The following EMCN variants were observed in gnomAD, a reference collection of about 807,000 sequenced individuals.
EMCN encodes the protein MUC-14.
In EMCN, 37 loss-of-function variants were observed where a neutral mutation model predicts 38.4. The observed-to-expected ratio is 0.96, with a 90% CI of 0.74 to 1.27. The LOEUF (loss-of-function observed/expected upper bound fraction) is 1.27, where lower values mean the gene tolerates loss of function less well. EMCN is among the 50% of genes most tolerant of loss of function. EMCN has a pLI of 0.00. For synonymous variants in EMCN, 95 were observed against 100.8 expected (o/e 0.94, Z 0.35); for missense variants, 318 against 302.8 (o/e 1.05, Z -0.37).
chr4:100,439,346 G>C (rs952453186), intron 5 of EMCN, among the ~76,000 whole-genome samples: 1 of 151,394 alleles, frequency 6.6e-6, no homozygotes, highest in African/African-American at 2.4e-5. Context: ...GATCCTGGTA[G>C]GTTTTAGTTT....
chr4:100,438,830 T>G (rs1286535594), intron 5 of EMCN, among the ~76,000 whole-genome samples: 1 of 152,066 alleles, frequency 6.6e-6, no homozygotes, highest in Non-Finnish European at 1.5e-5. Context: ...GCTTTTTCTG[T>G]GTCAAGATCA....
chr4:100,457,861 G>A (rs905734072), intron 4 of EMCN, among the ~76,000 whole-genome samples: 8 of 152,186 alleles, frequency 5.3e-5, no homozygotes. Context: ...GCTCACACCT[G>A]TAATCCCAGG....
chr4:100,419,294 G>T (rs1726823656), intron 8 of EMCN, among the ~76,000 whole-genome samples: 2 of 152,020 alleles, frequency 1.3e-5, no homozygotes, highest in Admixed American at 6.6e-5. Flanking sequence ...ACTAGATAAA[G>T]TCTCTCCCAC....
chr4:100,431,349 T>C (rs1320750856), intron 5 of EMCN, among the ~76,000 whole-genome samples: 1 of 152,184 alleles, frequency 6.6e-6, no homozygotes, highest in Non-Finnish European at 1.5e-5. Flanking sequence ...TGGTCAAGCA[T>C]TGTTGTGAGT....
chr4:100,412,655 G>A (rs918025817), intron 10 of EMCN, among the ~76,000 whole-genome samples: 9 of 152,102 alleles, frequency 5.9e-5, no homozygotes, highest in Non-Finnish European at 1.0e-4. Flanking sequence ...TAGCTTATAT[G>A]TTCTTATGAA....
In EMCN at chr4:100,398,044, T is replaced by C. The variant is rs537006054; in HGVS notation, c.*369A>G. The C allele has an allele frequency of 1.5e-3, 224 of 152,072 alleles. 1 individual carries two copies. The highest frequency in any genetic ancestry group is 5.2e-3 in the African/African-American group (217 of 41,498). 9.4% of individuals were successfully genotyped at this position (152,072 alleles called of 1,614,324 possible). A position where few individuals can be genotyped will look rare whatever the true frequency, so the allele number is the denominator to read the frequency against. On this transcript the variant is annotated 3_prime_UTR_variant, in exon 12 of 12. Transcript: ENST00000296420. The stretch of plus-strand genomic sequence containing the variant: ...GGAAAGTCTTCATGGATAAAAATTC[T>C]TGGCCCGGAAAACTTTAAACATTAA...
At chr4:100,459,227 C>CAA (rs1728106781) in intron 4 of EMCN, among the ~76,000 whole-genome samples, 1 of 85,602 alleles carries the variant, frequency 1.2e-5, no homozygotes, top group African/African-American at 4.6e-5. Context: ...CTCTCTCTCT[C>CAA]TCATCTCTAG....
chr4:100,456,584 C>T (rs1007185714), intron 4 of EMCN, among the ~76,000 whole-genome samples: 4 of 152,096 alleles, frequency 2.6e-5, no homozygotes, highest in African/African-American at 9.6e-5. Flanking sequence ...TTCTTTGACA[C>T]ATAAGTTACT....
chr4:100,415,020 A>G (rs1425067977), intron 10 of EMCN, among the ~76,000 whole-genome samples: 1 of 151,862 alleles, frequency 6.6e-6, no homozygotes, highest in Non-Finnish European at 1.5e-5. Flanking sequence ...CTCAGTCTCC[A>G]GGGTAGCTGG....
chr4:100,409,435 C>G (rs1267977478), intron 11 of EMCN, among the ~76,000 whole-genome samples: 1 of 152,140 alleles, frequency 6.6e-6, no homozygotes. Flanking sequence ...TTAACGTTGG[C>G]CTGAGCTGTT....
At chr4:100,496,618 A>C (rs1200504133) in intron 1 of EMCN, among the ~76,000 whole-genome samples, 1 of 152,220 alleles carries the variant, frequency 6.6e-6, no homozygotes, top group East Asian at 1.9e-4. Flanking sequence ...GAAAAAAGTA[A>C]TTCAGCTCTA....
chr4:100,489,103 A>G (rs916450983), intron 1 of EMCN, among the ~76,000 whole-genome samples: 2 of 152,178 alleles, frequency 1.3e-5, no homozygotes, highest in African/African-American at 4.8e-5. Context: ...TTGACTTTTG[A>G]AGATGCAGTC....
intron 3 of EMCN, among the ~76,000 whole-genome samples, chr4:100,470,666 T>A (rs1388404545): frequency 6.6e-6 from 1 of 151,874 alleles, no homozygotes; most frequent in East Asian, 1.9e-4. Flanking sequence ...GGATAAACAA[T>A]ATATGGTACA....
chr4:100,514,996 C>T (rs373479484), intron 1 of EMCN, among the ~76,000 whole-genome samples: 11 of 152,084 alleles, frequency 7.2e-5, no homozygotes, highest in Admixed American at 6.6e-4. Context: ...AGCATGGAGT[C>T]TGCTGATAGT....
At chr4:100,412,744 C>G (rs1480674246) in intron 10 of EMCN, among the ~76,000 whole-genome samples, 1 of 152,122 alleles carries the variant, frequency 6.6e-6, no homozygotes, top group African/African-American at 2.4e-5. Flanking sequence ...TAAGCTTTCT[C>G]TTTTACATTT....
At chr4:100,498,553 C>T (rs889158875) in intron 1 of EMCN, among the ~76,000 whole-genome samples, 4 of 151,798 alleles carry the variant, frequency 2.6e-5, no homozygotes, top group Non-Finnish European at 4.4e-5. Flanking sequence ...ACAATCTCAG[C>T]TCACTGCAAC....
intron 1 of EMCN, among the ~76,000 whole-genome samples, chr4:100,491,002 A>G (rs1211082393): frequency 6.6e-6 from 1 of 152,000 alleles, no homozygotes; most frequent in East Asian, 1.9e-4. Flanking sequence ...ACCCATTTCC[A>G]GTTGGGAATT....
chr4:100,514,936 T>G (rs1414081351), intron 1 of EMCN, among the ~76,000 whole-genome samples: 11 of 152,106 alleles, frequency 7.2e-5, no homozygotes, highest in Non-Finnish European at 4.4e-5. Flanking sequence ...TCTCCCCCAC[T>G]TCTACGGTGA....
chr4:100,482,154 G>A (rs949330256), intron 1 of EMCN, among the ~76,000 whole-genome samples: 2 of 152,082 alleles, frequency 1.3e-5, no homozygotes, highest in Non-Finnish European at 2.9e-5. Context: ...TCATACTGCA[G>A]GTTGTGATAC....
Sources: gnomAD v4.1 joint callset for allele counts (sites outside exome capture counted in the v4.1 genomes callset) on GRCh38, gnomAD v4.1.1 for gene constraint, MANE v1.5 for transcripts, NCBI Gene and HGNC (gene_info 2026-07-23, HGNC 2026-07-21) for gene names.